The following CNBD1 variants were observed in gnomAD, a reference collection of about 807,000 sequenced individuals.
The protein encoded by CNBD1 is cyclic nucleotide-binding domain-containing protein 1.
In CNBD1, 71 loss-of-function variants were observed where a neutral mutation model predicts 54.4. The observed-to-expected ratio is 1.30, with a 90% CI of 1.08 to 1.59. The LOEUF is 1.59. Ranked by LOEUF, CNBD1 falls within the 40% of genes most tolerant of loss-of-function variation. The pLI is 0.00. For synonymous variants in CNBD1, 182 were observed against 170.7 expected (o/e 1.07, Z -0.51); for missense variants, 659 against 518.0 (o/e 1.27, Z -2.64).
At chr8:87,055,838 TTCCTTCCTTCCTCCCTCCCTCCC>T (rs1167457474) in intron 4 of CNBD1, among the ~76,000 whole-genome samples, 2 of 135,950 alleles carry the variant, frequency 1.5e-5, no homozygotes, top group East Asian at 4.3e-4. Context: ...CCCTCTCTCT[TTCCTTCCTTCCTCCCTCCCTCCC>T]TCCTTCCCTC....
intron 2 of CNBD1, among the ~76,000 whole-genome samples, chr8:87,388,375 A>AAAG (rs199976662): frequency 0.57 from 85,769 of 151,144 alleles, 25,950 homozygotes; most frequent in African/African-American, 0.78. Flanking sequence ...ATGAAGAAAA[A>AAAG]AGAGAAGAAT....
intron 10 of CNBD1, among the ~76,000 whole-genome samples, chr8:87,358,917 T>C (rs1441252713): frequency 1.3e-5 from 2 of 152,188 alleles, no homozygotes; most frequent in African/African-American, 2.4e-5. Flanking sequence ...TCTGCCTTTT[T>C]AATCTATTCA....
intron 5 of CNBD1, among the ~76,000 whole-genome samples, chr8:87,220,732 A>G (rs929256169): frequency 6.6e-6 from 1 of 151,940 alleles, no homozygotes; most frequent in African/African-American, 2.4e-5. Context: ...GGTTGTACAT[A>G]TTTTCCTATC....
intron 2 of CNBD1, among the ~76,000 whole-genome samples, chr8:86,888,723 A>C (rs1045256634): frequency 7.9e-5 from 12 of 152,160 alleles, no homozygotes; most frequent in Non-Finnish European, 1.8e-4. Context: ...TTTAACATCC[A>C]AGCTTTGAAT....
intron 4 of CNBD1, among the ~76,000 whole-genome samples, chr8:87,009,941 C>G (rs1236088475): frequency 1.3e-5 from 2 of 152,176 alleles, no homozygotes; most frequent in African/African-American, 2.4e-5. Flanking sequence ...TTCTCTTCCT[C>G]CTGTTCCTCA....
intron 5 of CNBD1, among the ~76,000 whole-genome samples, chr8:87,231,812 T>C (rs1807442754): frequency 6.6e-6 from 1 of 152,286 alleles, no homozygotes; most frequent in Non-Finnish European, 1.5e-5. Context: ...ATGTATACCT[T>C]AAATGTATCA....
chr8:87,415,520 T>C lies in CNBD1; in HGVS notation c.214-13026T>C, dbSNP rs540720377. The stretch of plus-strand genomic sequence containing the variant: ...ATGCATCCTTGTAATTCTTTGAGCC[T>C]CATCATGACACTACAGTATTGTTTA... On this transcript the variant is annotated intron_variant, in intron 2 of 7. Coordinates refer to the CNBD1 transcript ENST00000521593. Among the ~76,000 whole-genome samples, 107 of 152,190 alleles carry C rather than the reference T, an allele frequency of 7.0e-4. 1 individual carries two copies. The highest frequency in any genetic ancestry group is 2.5e-3 in the African/African-American group (105 of 41,556).
chr8:87,106,983 C>T (rs148319734), intron 4 of CNBD1, among the ~76,000 whole-genome samples: 1,795 of 152,090 alleles, frequency 0.012, 33 homozygotes, highest in African/African-American at 0.041. Context: ...CACCCACCAC[C>T]GTGCCCGGCT....
intron 4 of CNBD1, among the ~76,000 whole-genome samples, chr8:87,165,746 G>C (rs1229103472): frequency 6.6e-6 from 1 of 151,794 alleles, no homozygotes; most frequent in African/African-American, 2.4e-5. Context: ...CTTTACCCTA[G>C]CACTCACAAT....
At chr8:87,219,587 A>AAG (rs1467760475) in intron 5 of CNBD1, among the ~76,000 whole-genome samples, 1 of 152,054 alleles carries the variant, frequency 6.6e-6, no homozygotes, top group African/African-American at 2.4e-5. Context: ...AGTAACTCTA[A>AAG]GTACACAGTG....
intron 6 of CNBD1, among the ~76,000 whole-genome samples, chr8:87,247,938 A>T (rs976498448): frequency 3.3e-5 from 5 of 152,190 alleles, no homozygotes; most frequent in African/African-American, 1.2e-4. Context: ...TTCAGAAGTG[A>T]CCTCATTGAC....
intron 4 of CNBD1, among the ~76,000 whole-genome samples, chr8:87,075,047 A>T (rs1007909066): frequency 6.6e-6 from 1 of 152,200 alleles, no homozygotes; most frequent in African/African-American, 2.4e-5. Flanking sequence ...GGTTAGTAGT[A>T]CTACTTATCT....
intron 10 of CNBD1, among the ~76,000 whole-genome samples, chr8:87,367,329 G>T (rs186661704): frequency 1.3e-5 from 2 of 152,024 alleles, no homozygotes; most frequent in Non-Finnish European, 2.9e-5. Context: ...TTCTCAGAAC[G>T]TATATAAAGC....
At chr8:87,379,812 G>A (rs1007038625) in intron 10 of CNBD1, among the ~76,000 whole-genome samples, 1 of 151,802 alleles carries the variant, frequency 6.6e-6, no homozygotes. Context: ...AAATAAGGAA[G>A]TTGAAGTAGA....
intron 6 of CNBD1, among the ~76,000 whole-genome samples, chr8:87,257,109 C>A (rs1396372540): frequency 6.6e-6 from 1 of 152,032 alleles, no homozygotes. Context: ...GTGGCTCATG[C>A]CTGTAATCCC....
Position 87,225,868 on chromosome 8 carries a change from C to T in CNBD1, c.578-11051C>T, listed in dbSNP as rs1182509096. Among the ~76,000 whole-genome samples, 3 of 144,958 alleles carry T rather than the reference C, an allele frequency of 2.1e-5. 1 individual carries two copies. Among genetic ancestry groups the T allele is most frequent in the African/African-American group, 8.4e-5 (3 of 35,648 alleles). ...GAATTCAGCTGTGAATCCATCTGGTCCAGGACTCTTTTTGGTTGGTAAGCT... is the reference window on the plus strand; with the variant it reads ...GAATTCAGCTGTGAATCCATCTGGTTCAGGACTCTTTTTGGTTGGTAAGCT... On this transcript the variant is annotated intron_variant, in intron 5 of 10. Coordinates refer to ENST00000518476, the MANE Select transcript of CNBD1 (RefSeq NM_173538.3).
At chr8:87,304,570 G>A (rs905730205) in intron 8 of CNBD1, among the ~76,000 whole-genome samples, 17 of 152,026 alleles carry the variant, frequency 1.1e-4, no homozygotes, top group African/African-American at 4.1e-4. Context: ...ACACCAACAT[G>A]GCACATGTAT....
intron 1 of CNBD1, among the ~76,000 whole-genome samples, chr8:86,873,937 A>G (rs2131770106): frequency 6.6e-6 from 1 of 152,234 alleles, no homozygotes; most frequent in East Asian, 1.9e-4. Flanking sequence ...TTACATAATT[A>G]CAATACAACT....
At chr8:87,252,949 C>CAAAG (rs1318144902) in intron 6 of CNBD1, among the ~76,000 whole-genome samples, 1 of 151,910 alleles carries the variant, frequency 6.6e-6, no homozygotes. Flanking sequence ...ACGTTTACTG[C>CAAAG]AAAGAATCAC....
Sources: allele counts gnomAD v4.1 joint callset (sites outside exome capture counted in the v4.1 genomes callset), GRCh38; gene constraint gnomAD v4.1.1; transcripts MANE v1.5; gene names NCBI Gene and HGNC (gene_info 2026-07-23, HGNC 2026-07-21).